Variants in DIMT1 observed in about 807,000 individuals in gnomAD.
The protein encoded by DIMT1 is DIM1 rRNA methyltransferase and ribosome maturation factor, also known as dimethyladenosine transferase.
In DIMT1, 36 loss-of-function variants were observed where a neutral mutation model predicts 43.2. That is an observed-to-expected ratio of 0.83 (90% CI 0.64 to 1.10). The LOEUF (loss-of-function observed/expected upper bound fraction) is 1.10, where lower values mean the gene tolerates loss of function less well. Among genes scored for constraint, DIMT1 ranks in the 50% least tolerant of loss-of-function variants. The pLI is 0.00. For missense variants in DIMT1, 341 were observed against 385.3 expected (o/e 0.88, Z 0.96); for synonymous variants, 126 against 130.3 (o/e 0.97, Z 0.22).
intron 3 of DIMT1, among the ~76,000 whole-genome samples, chr5:62,401,289 A>G (rs1010135772): frequency 6.6e-6 from 1 of 151,788 alleles, no homozygotes; most frequent in Non-Finnish European, 1.5e-5. Context: ...TGAGGTCAGG[A>G]GTTTAAGACC....
chr5:62,400,152 T>C (rs878890424), intron 3 of DIMT1, among the ~76,000 whole-genome samples: 1 of 152,228 alleles, frequency 6.6e-6, no homozygotes, highest in East Asian at 1.9e-4. Context: ...ATGGCATAGA[T>C]AACTTCTCAA....
At chr5:62,392,852 G>A in intron 9 of DIMT1, 74 bp downstream of exon 9, 1 of 1,034,484 alleles carries the variant, frequency 9.7e-7, no homozygotes, top group Non-Finnish European at 1.5e-6. Flanking sequence ...TAGCTGCTCA[G>A]GAAAAGGACC....
chr5:62,388,979 T>C lies in DIMT1; in HGVS notation c.*31A>G. ...AAAAATACAAAATTCATTTCTTTTC[T>C]TGACCTTGAAAATTTCTGTTTTCCA... On this transcript the variant is annotated 3_prime_UTR_variant, in exon 12 of 12. Transcript: ENST00000199320. 1.3e-6 allele frequency: 2 copies of C among 1,590,534 alleles called. No homozygotes were observed. The highest frequency in any genetic ancestry group is 1.1e-5 in the South Asian group (1 of 89,398).
chr5:62,392,571 A>T (rs931917393), intron 9 of DIMT1, among the ~76,000 whole-genome samples: 2 of 152,216 alleles, frequency 1.3e-5, no homozygotes, highest in Admixed American at 1.3e-4. Flanking sequence ...TTGAACCCCA[A>T]ATTGATGAGC....
chr5:62,403,416 A>T, intron 1 of DIMT1, 70 bp from the exon 2 acceptor site: 1 of 1,442,618 alleles, frequency 6.9e-7, no homozygotes, highest in Non-Finnish European at 9.8e-7. Context: ...CAGAGAAGAA[A>T]GCTGCATGGG....
chr5:62,396,974 G>A (rs997944661), intron 6 of DIMT1, among the ~76,000 whole-genome samples: 3 of 151,958 alleles, frequency 2.0e-5, no homozygotes, highest in Admixed American at 6.6e-5. Flanking sequence ...TGACAATCTC[G>A]CTCTGTTGCC....
At chr5:62,394,641 G>A in intron 6 of DIMT1, 34 bp from the exon 7 acceptor site, 1 of 1,610,322 alleles carries the variant, frequency 6.2e-7, no homozygotes, top group Non-Finnish European at 8.5e-7. Flanking sequence ...AAGGAAAATG[G>A]TCATTGTCAA....
At chr5:62,391,075 A>C in intron 10 of DIMT1, 93 bp from the exon 11 acceptor site, 1 of 964,044 alleles carries the variant, frequency 1.0e-6, no homozygotes, top group Non-Finnish European at 1.6e-6. Context: ...TAAAATAGTC[A>C]CCTTTAATAT....
rs1427585380 is a variant in DIMT1 at position 62,390,858 on chromosome 5, A to C, written c.899+18T>G. 6 of 1,605,256 alleles carry C rather than the reference A, an allele frequency of 3.7e-6. No homozygotes were observed. The Admixed American group carries it at 6.7e-5, about 18-fold the overall frequency. ...AGTAAAGAAATGTAAACACTTAGGA[A>C]AACAAAAATGTAATTACCTGATGAA... On this transcript the variant is annotated intron_variant, in intron 11 of 11. Coordinates refer to ENST00000199320, the MANE Select transcript of DIMT1 (RefSeq NM_014473.4).
chr5:62,391,867 CAT>C, intron 10 of DIMT1: 2 of 1,516,708 alleles, frequency 1.3e-6, no homozygotes, highest in Admixed American at 2.1e-5. Context: ...GCAAGCTACA[CAT>C]ATCTACAGCT....
At position 62,388,946 on chromosome 5, in the gene DIMT1, CAAATACAAA is replaced by C. The variant is rs1742163163; in HGVS notation, c.*55_*63del. 1 of 1,492,666 alleles carries C rather than the reference CAAATACAAA, an allele frequency of 6.7e-7. No individual in the cohort carries two copies. The highest frequency in any genetic ancestry group is 1.8e-5 in the Admixed American group (1 of 54,570). The allele number at this position is 1,492,666 out of a possible 1,614,324, so 92.5% of individuals were successfully genotyped here. A position where few individuals can be genotyped will look rare whatever the true frequency, so the allele number is the denominator to read the frequency against. On this transcript the variant is annotated 3_prime_UTR_variant, in exon 12 of 12. Transcript: ENST00000199320. The stretch of plus-strand genomic sequence containing the variant: ...CAGTAAAGCAAAAGCATTATCTTCT[CAAATACAAA>C]AAATACAAAATTCATTTCTTTTCTT...
intron 11 of DIMT1, among the ~76,000 whole-genome samples, chr5:62,390,113 A>G (rs957626112): frequency 7.2e-5 from 11 of 152,328 alleles, no homozygotes; most frequent in Admixed American, 3.3e-4. Flanking sequence ...TTTTAGAACA[A>G]TCTACTCTCA....
chr5:62,403,805 G>C lies in DIMT1; in HGVS notation c.-33C>G, dbSNP rs1287590586. ...GAAAGCGGGCCCACAGGCCCGGGAC[G>C]TCAAGGAGGACCAAAGAGGGCTAGC... On this transcript the variant is annotated 5_prime_UTR_variant, in exon 1 of 12. Coordinates refer to ENST00000199320, the MANE Select transcript of DIMT1 (RefSeq NM_014473.4). 3 of 1,601,672 alleles carry C rather than the reference G, an allele frequency of 1.9e-6. No homozygotes were observed. The highest frequency in any genetic ancestry group is 3.4e-5 in the Admixed American group (2 of 58,480).
At chr5:62,400,210 C>T (rs1011197067) in intron 3 of DIMT1, among the ~76,000 whole-genome samples, 1 of 151,986 alleles carries the variant, frequency 6.6e-6, no homozygotes, top group Non-Finnish European at 1.5e-5. Flanking sequence ...AATTTTATTG[C>T]AATTTCAGCT....
intron 6 of DIMT1, among the ~76,000 whole-genome samples, chr5:62,396,139 G>GTTTTTTTTTTTTTGTTTTTTTTTTT (rs758847833): frequency 8.6e-6 from 1 of 116,746 alleles, no homozygotes; most frequent in Non-Finnish European, 1.7e-5. Context: ...GTCACTGCAG[G>GTTTTTTTTTTTTTGTTTTTTTTTTT]TTTTTTTTTT....
chr5:62,400,140 A>C (rs916873456), intron 3 of DIMT1, among the ~76,000 whole-genome samples: 2 of 152,254 alleles, frequency 1.3e-5, no homozygotes, highest in Admixed American at 6.5e-5. Context: ...GATACACAAT[A>C]CATGGCATAG....
chr5:62,388,771 C>G lies in DIMT1; in HGVS notation c.*239G>C. 1 of 529,584 alleles carries G rather than the reference C, an allele frequency of 1.9e-6. No individual in the cohort carries two copies. Among genetic ancestry groups the G allele is most frequent in the Non-Finnish European group, 3.4e-6 (1 of 295,996 alleles). The allele number at this position is 529,584 out of a possible 1,614,324, so 32.8% of individuals were successfully genotyped here. On this transcript the variant is annotated 3_prime_UTR_variant, in exon 12 of 12. Transcript: ENST00000199320. Reference sequence around the variant, plus strand: ...TGTAAAGTTGTGCGTCTCTGCGGCTCCTGAACTTGAAGATTATTATGAATA... The same window carrying G: ...TGTAAAGTTGTGCGTCTCTGCGGCTGCTGAACTTGAAGATTATTATGAATA...
intron 6 of DIMT1, among the ~76,000 whole-genome samples, chr5:62,397,045 G>A (rs1258178493): frequency 6.6e-6 from 1 of 152,192 alleles, no homozygotes; most frequent in Non-Finnish European, 1.5e-5. Context: ...CGCCTCCTGA[G>A]TTCAAGCGAT....
chr5:62,399,824 T>G (rs1432253397), intron 3 of DIMT1, among the ~76,000 whole-genome samples: 2 of 152,074 alleles, frequency 1.3e-5, no homozygotes, highest in East Asian at 1.9e-4. Flanking sequence ...GAGAATTGTT[T>G]GAACCAGGGA....
Sources: gnomAD v4.1 joint callset for allele counts (sites outside exome capture counted in the v4.1 genomes callset) on GRCh38, gnomAD v4.1.1 for gene constraint, MANE v1.5 for transcripts, NCBI Gene and HGNC (gene_info 2026-07-23, HGNC 2026-07-21) for gene names.